AFAP1L1: variants seen among roughly 807,000 people sequenced by gnomAD.
AFAP1L1 encodes actin filament associated protein 1 like 1.
Under a neutral mutation model 99.8 loss-of-function variants are expected in AFAP1L1, and 77 were observed. That is an observed-to-expected ratio of 0.77 (90% CI 0.64 to 0.93). The LOEUF (loss-of-function observed/expected upper bound fraction) is 0.93, where lower values mean the gene tolerates loss of function less well. Among genes scored for constraint, AFAP1L1 ranks in the 40% least tolerant of loss-of-function variants. The pLI is 0.00. For synonymous variants in AFAP1L1, 373 were observed against 395.3 expected, an observed-to-expected ratio of 0.94 and a Z score of 0.67; for missense variants, 893 against 996.8, an observed-to-expected ratio of 0.90 and a Z score of 1.40.
rs1416495854 is a variant in AFAP1L1 at position 149,335,589 on chromosome 5, A to G, written c.2155-5A>G. On this transcript the variant is annotated splice_region_variant and splice_polypyrimidine_tract_variant and intron_variant, in intron 17 of 18. Transcript: ENST00000296721. ...ACCTATATAATTATTTATTGCCATC[A>G]ACAGGAAACTGCAAATAAACCCCAG... is the stretch of plus-strand genomic sequence containing the variant. 6.2e-7 allele frequency: 1 copy of G among 1,612,126 alleles called. No individual in the cohort carries two copies. The highest frequency in any genetic ancestry group is 1.1e-5 in the South Asian group (1 of 90,962).
rs1006251716 is a variant in AFAP1L1, at chr5:149,340,411, C to T, written c.*381C>T. On this transcript the variant is annotated 3_prime_UTR_variant, in exon 19 of 19. Coordinates refer to ENST00000296721, the MANE Select transcript of AFAP1L1 (RefSeq NM_152406.4). Reference sequence around the variant, plus strand: ...AGCATCGCACTCCCAGTCCTTAAGGCAAAGGGAGGCAGTGCTGAAGCATTG... The same window carrying T: ...AGCATCGCACTCCCAGTCCTTAAGGTAAAGGGAGGCAGTGCTGAAGCATTG... 6 of 194,516 alleles carry T rather than the reference C, an allele frequency of 3.1e-5. No homozygotes were observed. The highest frequency in any genetic ancestry group is 1.4e-4 in the African/African-American group (6 of 43,918). 12.0% of individuals were successfully genotyped at this position (194,516 alleles called of 1,614,324 possible). A position where few individuals can be genotyped will look rare whatever the true frequency, so the allele number is the denominator to read the frequency against.
intron 5 of AFAP1L1, chr5:149,302,734 G>C (rs992000192): frequency 6.9e-5 from 34 of 491,760 alleles, no homozygotes; most frequent in African/African-American, 6.0e-4. Context: ...GGGGCTGGGG[G>C]CTTAGGTTCT....
Position 149,302,618 on chromosome 5 carries a change from C to T in AFAP1L1, c.436+92C>T, listed in dbSNP as rs1253088171. ...CTGTGTCCTGTGGGAGCTGGAACTG[C>T]AAGCCTGTCACCCTCCCAACCATGT... On this transcript the variant is annotated intron_variant, in intron 5 of 18. Transcript: ENST00000296721. 3.5e-6 allele frequency: 4 copies of T among 1,140,854 alleles called. No homozygotes were observed. The Admixed American group carries it at 9.1e-5, about 26-fold the overall frequency. 70.7% of individuals were successfully genotyped at this position (1,140,854 alleles called of 1,614,324 possible). A position where few individuals can be genotyped will look rare whatever the true frequency, so the allele number is the denominator to read the frequency against.
chr5:149,306,014 G>C (rs1756399294), intron 5 of AFAP1L1, among the ~76,000 whole-genome samples: 1 of 152,166 alleles, frequency 6.6e-6, no homozygotes, highest in South Asian at 2.1e-4. Context: ...TCTGGGTCTT[G>C]ATGGATGAGA....
chr5:149,280,215 T>A (rs1048611617), intron 1 of AFAP1L1, among the ~76,000 whole-genome samples: 3 of 152,224 alleles, frequency 2.0e-5, no homozygotes, highest in African/African-American at 7.2e-5. Flanking sequence ...TTTGCCTTCA[T>A]CCTTTATACA....
At chr5:149,273,812 A>C (rs1581277990) in intron 1 of AFAP1L1, among the ~76,000 whole-genome samples, 15 of 81,416 alleles carry the variant, frequency 1.8e-4, no homozygotes, top group South Asian at 4.0e-4. Context: ...CCTCTCCACC[A>C]CCCCCACTCC....
intron 1 of AFAP1L1, among the ~76,000 whole-genome samples, chr5:149,283,879 A>G (rs1485175984): frequency 6.6e-6 from 1 of 152,200 alleles, no homozygotes; most frequent in Non-Finnish European, 1.5e-5. Flanking sequence ...GCCAGCAACC[A>G]GGTGCAGCTC....
At position 149,335,569 on chromosome 5, in the gene AFAP1L1, T is replaced by C. The variant is rs746979338; in HGVS notation, c.2155-25T>C. ...GGTAGCCATCACCAGATCTCACCTA[T>C]ATAATTATTTATTGCCATCAACAGG... On this transcript the variant is annotated intron_variant, in intron 17 of 18. Coordinates refer to ENST00000296721, the MANE Select transcript of AFAP1L1 (RefSeq NM_152406.4). 11 of 1,611,408 alleles carry C rather than the reference T, an allele frequency of 6.8e-6. No individual in the cohort carries two copies. In the South Asian group the frequency reaches 7.7e-5, roughly 11 times the overall value.
At chr5:149,291,208 CAG>C (rs1413337301) in intron 1 of AFAP1L1, among the ~76,000 whole-genome samples, 2 of 152,074 alleles carry the variant, frequency 1.3e-5, no homozygotes, top group African/African-American at 4.8e-5. Context: ...AGGTGAGGAA[CAG>C]AGCGTGAGGA....
intron 2 of AFAP1L1, among the ~76,000 whole-genome samples, chr5:149,299,848 A>C (rs1756136701): frequency 6.6e-6 from 1 of 150,738 alleles, no homozygotes; most frequent in African/African-American, 2.5e-5. Flanking sequence ...CCACCTCCCC[A>C]CCGACAGCCC....
At chr5:149,336,186 G>T (rs1757401609) in intron 18 of AFAP1L1, among the ~76,000 whole-genome samples, 1 of 152,080 alleles carries the variant, frequency 6.6e-6, no homozygotes, top group Admixed American at 6.5e-5. Flanking sequence ...ATTTTATAAA[G>T]GTAATATGGT....
Position 149,342,815 on chromosome 5 carries a change from G to A in AFAP1L1, c.*2785G>A, listed in dbSNP as rs1450045992. ...TAGTCCCAGCTACTTGGGAGGCTGAGGGAGGAGAATCACTTGAACCCGGGA... is the reference window on the plus strand; with the variant it reads ...TAGTCCCAGCTACTTGGGAGGCTGAAGGAGGAGAATCACTTGAACCCGGGA... On this transcript the variant is annotated 3_prime_UTR_variant, in exon 19 of 19. Transcript: ENST00000296721. Among the ~76,000 whole-genome samples the A allele has an allele frequency of 6.6e-6, 1 of 152,124 alleles. No individual in the cohort carries two copies. Among genetic ancestry groups the A allele is most frequent in the Non-Finnish European group, 1.5e-5 (1 of 68,020 alleles).
chr5:149,294,308 G>A (rs1191632344), intron 1 of AFAP1L1, among the ~76,000 whole-genome samples: 2 of 152,102 alleles, frequency 1.3e-5, no homozygotes, highest in African/African-American at 4.8e-5. Flanking sequence ...ACTAAAAATC[G>A]AAGTTACTGT....
rs1434271892 is a variant in AFAP1L1, at chr5:149,341,220, A to G, written c.*1190A>G. 5 of 152,228 alleles carry G rather than the reference A, an allele frequency of 3.3e-5. No homozygotes were observed. Among genetic ancestry groups the G allele is most frequent in the African/African-American group, 9.6e-5 (4 of 41,458 alleles). The allele number at this position is 152,228 out of a possible 1,614,324, so 9.4% of individuals were successfully genotyped here. On this transcript the variant is annotated 3_prime_UTR_variant, in exon 19 of 19. Transcript: ENST00000296721. ...CCAGAATAACCGTGGCCACTTTGCT[A>G]TAGGGGTTACATATTTTAACCCACC...
Position 149,320,545 on chromosome 5 carries a change from C to T in AFAP1L1, c.1698+82C>T. On this transcript the variant is annotated intron_variant, in intron 14 of 18. Coordinates refer to ENST00000296721, the MANE Select transcript of AFAP1L1 (RefSeq NM_152406.4). The surrounding 1 kb of genome is among the most constrained non-coding windows in gnomAD (Gnocchi z 4.0). ...TCTTTCTGCTCCCTTTACCTTCTGC[C>T]TCAGAAAGATCATTTTCATTTAAGC... is the stretch of plus-strand genomic sequence containing the variant. 1 of 1,284,414 alleles carries T rather than the reference C, an allele frequency of 7.8e-7. No individual in the cohort carries two copies. Among genetic ancestry groups the T allele is most frequent in the East Asian group, 2.3e-5 (1 of 42,774 alleles). The allele number at this position is 1,284,414 out of a possible 1,614,324, so 79.6% of individuals were successfully genotyped here. A position where few individuals can be genotyped will look rare whatever the true frequency, so the allele number is the denominator to read the frequency against.
Position 149,306,891 on chromosome 5 carries a change from G to A in AFAP1L1, c.535+487G>A, listed in dbSNP as rs1048407610. Among the ~76,000 whole-genome samples, 5 of 152,282 alleles carry A rather than the reference G, an allele frequency of 3.3e-5. No homozygotes were observed. The East Asian group carries it at 5.8e-4, about 18-fold the overall frequency. ...TCATTTTACTGATGAGGACACTGAA[G>A]CTCTGAGAAGGGAAGTAACCAAGAT... On this transcript the variant is annotated intron_variant, in intron 6 of 18. Coordinates refer to ENST00000296721, the MANE Select transcript of AFAP1L1 (RefSeq NM_152406.4).
intron 18 of AFAP1L1, among the ~76,000 whole-genome samples, chr5:149,339,655 T>C (rs1488951722): frequency 6.6e-6 from 1 of 152,170 alleles, no homozygotes; most frequent in Non-Finnish European, 1.5e-5. Context: ...CAGACTATCA[T>C]TTACCAGCCT....
chr5:149,297,016 C>T (rs987422214), intron 1 of AFAP1L1, among the ~76,000 whole-genome samples: 1 of 152,140 alleles, frequency 6.6e-6, no homozygotes, highest in Non-Finnish European at 1.5e-5. Flanking sequence ...AGTTACCTCC[C>T]ACTGGGTCTC....
intron 6 of AFAP1L1, 26 bp from the exon 7 acceptor site, chr5:149,307,376 T>C (rs1392411481): frequency 1.2e-6 from 2 of 1,612,778 alleles, no homozygotes; most frequent in East Asian, 2.2e-5. Flanking sequence ...GGCACAGTGA[T>C]GGATCCTTTC....
Sources: allele counts gnomAD v4.1 joint callset (sites outside exome capture counted in the v4.1 genomes callset), GRCh38; gene constraint gnomAD v4.1.1; non-coding constraint Gnocchi (gnomAD v3.1); transcripts MANE v1.5; gene names NCBI Gene and HGNC (gene_info 2026-07-23, HGNC 2026-07-21).